The following AGAP1 variants were observed in gnomAD, a reference collection of about 807,000 sequenced individuals.
AGAP1 encodes arf-GAP with GTPase, ANK repeat and PH domain-containing protein 1.
Under a neutral mutation model 105.3 loss-of-function variants are expected in AGAP1, and 29 were observed. The ratio of observed to expected loss-of-function variants is 0.28; its 90% CI spans 0.21 to 0.38. AGAP1 has a LOEUF of 0.38. AGAP1 is among the 10% of genes least tolerant of loss of function. The pLI is 1.00. For missense variants in AGAP1, 998 were observed against 1,165.1 expected, an observed-to-expected ratio of 0.86 and a Z score of 2.09; for synonymous variants, 509 against 485.9, an observed-to-expected ratio of 1.05 and a Z score of -0.63.
At position 235,700,521 on chromosome 2, in the gene AGAP1, C is replaced by T. The variant is rs552073492; in HGVS notation, c.164-8658C>T. On this transcript the variant is annotated intron_variant, in intron 1 of 17. Transcript: ENST00000304032. The surrounding 1 kb of genome is among the most constrained non-coding windows in gnomAD (Gnocchi z 6.1). ...AAGAAACTGTAATGAAAATGAGGGC[C>T]GGGTGTGTTGGCTCACACTTGTAAT... is the stretch of plus-strand genomic sequence containing the variant. 2.8e-4 allele frequency among the ~76,000 whole-genome samples: 42 copies of T among 152,188 alleles called. No homozygotes were observed. Among genetic ancestry groups the T allele is most frequent in the Admixed American group, 8.5e-4 (13 of 15,272 alleles).
intron 10 of AGAP1, among the ~76,000 whole-genome samples, chr2:235,895,284 G>A (rs115759953): frequency 0.011 from 1,601 of 152,218 alleles, 32 homozygotes; most frequent in African/African-American, 0.034. Flanking sequence ...CCATGATGGA[G>A]AAGATCCCCT....
chr2:235,935,989 C>A lies in AGAP1; in HGVS notation c.1483+5066C>A, dbSNP rs571493550. 1.2e-3 allele frequency among the ~76,000 whole-genome samples: 182 copies of A among 152,344 alleles called. 2 individuals are homozygous for A. The highest frequency in any genetic ancestry group is 4.3e-3 in the African/African-American group (177 of 41,594). On this transcript the variant is annotated intron_variant, in intron 12 of 17. Coordinates refer to ENST00000304032, the MANE Select transcript of AGAP1 (RefSeq NM_001037131.3). The stretch of plus-strand genomic sequence containing the variant: ...GGTGAGCCTGGCCCGGCCCTCCCCG[C>A]TGGCTCCTGCCTGGGCCAGCCTCGT...
At chr2:235,676,935 A>G (rs1303828848) in intron 1 of AGAP1, among the ~76,000 whole-genome samples, 1 of 152,228 alleles carries the variant, frequency 6.6e-6, no homozygotes, top group East Asian at 1.9e-4. Context: ...ATTAGCAAAA[A>G]GGGAGGAGAT....
chr2:235,643,918 G>C (rs1947286169), intron 1 of AGAP1, among the ~76,000 whole-genome samples: 1 of 152,128 alleles, frequency 6.6e-6, no homozygotes, highest in Non-Finnish European at 1.5e-5. Context: ...ATCTTCCTCT[G>C]AGTGAAAACT....
Position 235,700,428 on chromosome 2 carries a change from G to A in AGAP1, c.164-8751G>A, listed in dbSNP as rs935623862. Among the ~76,000 whole-genome samples the A allele has an allele frequency of 1.3e-5, 2 of 152,200 alleles. No individual in the cohort carries two copies. The highest frequency in any genetic ancestry group is 1.9e-4 in the East Asian group (1 of 5,182). On this transcript the variant is annotated intron_variant, in intron 1 of 17. Coordinates refer to ENST00000304032, the MANE Select transcript of AGAP1 (RefSeq NM_001037131.3). This position sits in a 1 kb window ranked among gnomAD's most constrained non-coding sequence, Gnocchi z 6.1. ...TTTAAGCAGTGCTTTACACACCCAC[G>A]ACAAGGGCGTTCTTGGGGAACACCG...
At chr2:235,645,293 T>C (rs1488470178) in intron 1 of AGAP1, among the ~76,000 whole-genome samples, 1 of 152,066 alleles carries the variant, frequency 6.6e-6, no homozygotes, top group Non-Finnish European at 1.5e-5. Flanking sequence ...AAAACAAAAA[T>C]GAAGAGGTGG....
chr2:235,710,544 A>G (rs983111196), intron 2 of AGAP1, among the ~76,000 whole-genome samples: 9 of 152,106 alleles, frequency 5.9e-5, no homozygotes, highest in Admixed American at 5.2e-4. Context: ...TCTCTGCAGC[A>G]CTTGCCCGTG....
At chr2:235,858,521 G>A (rs2106492316) in intron 9 of AGAP1, among the ~76,000 whole-genome samples, 1 of 152,194 alleles carries the variant, frequency 6.6e-6, no homozygotes, top group South Asian at 2.1e-4. Flanking sequence ...AGGTTAGGGG[G>A]AAAATGTTTT....
intron 13 of AGAP1, among the ~76,000 whole-genome samples, chr2:235,969,913 G>A (rs1292720133): frequency 6.6e-6 from 1 of 152,102 alleles, no homozygotes; most frequent in Non-Finnish European, 1.5e-5. Flanking sequence ...AATAAAAACT[G>A]ATTTTTCGTC....
chr2:235,906,209 G>T lies in AGAP1; in HGVS notation c.1156-2529G>T, dbSNP rs1400104735. On this transcript the variant is annotated intron_variant, in intron 10 of 17. Coordinates refer to ENST00000304032, the MANE Select transcript of AGAP1 (RefSeq NM_001037131.3). The surrounding 1 kb of genome is among the most constrained non-coding windows in gnomAD (Gnocchi z 5.3). Reference sequence around the variant, plus strand: ...CGGGCACCTCTGCTCCCGGCCTCTGGGCTGATGTGAGATGCACGCGTGCCA... The same window carrying T: ...CGGGCACCTCTGCTCCCGGCCTCTGTGCTGATGTGAGATGCACGCGTGCCA... 6.6e-6 allele frequency among the ~76,000 whole-genome samples: 1 copy of T among 152,210 alleles called. No individual in the cohort carries two copies. The highest frequency in any genetic ancestry group is 2.4e-5 in the African/African-American group (1 of 41,466).
At chr2:235,548,912 C>T (rs1023498603) in intron 1 of AGAP1, among the ~76,000 whole-genome samples, 3 of 152,174 alleles carry the variant, frequency 2.0e-5, no homozygotes, top group Non-Finnish European at 2.9e-5. Flanking sequence ...CATAGCCTTT[C>T]GCTTATATTG....
rs570177557 is a variant in AGAP1, at chr2:235,804,767, G to A, written c.958-2472G>A. Among the ~76,000 whole-genome samples, 8 of 152,330 alleles carry A rather than the reference G, an allele frequency of 5.3e-5. No individual in the cohort carries two copies. The East Asian group carries it at 5.8e-4, about 11-fold the overall frequency. The stretch of plus-strand genomic sequence containing the variant: ...CAGTTACTATGGTGGCTTGCTGTGC[G>A]TTGACTTAAAATCTGCAGCCCTTCT... On this transcript the variant is annotated intron_variant, in intron 8 of 17. Transcript: ENST00000304032.
chr2:235,786,246 G>T (rs372324217), intron 6 of AGAP1, among the ~76,000 whole-genome samples: 1 of 152,202 alleles, frequency 6.6e-6, no homozygotes, highest in Non-Finnish European at 1.5e-5. Context: ...GAGAGAGAAA[G>T]TTAATCATCT....
chr2:235,860,088 T>C (rs79448828), intron 9 of AGAP1, among the ~76,000 whole-genome samples: 4,449 of 152,156 alleles, frequency 0.029, 211 homozygotes, highest in African/African-American at 0.1. Flanking sequence ...GTTTTCTTCT[T>C]CTCCTCCTCC....
chr2:235,578,237 G>A lies in AGAP1; in HGVS notation c.163+83388G>A, dbSNP rs978226222. ...CTGTCAGAGCCAGCCTGAGCTCCAC[G>A]GTGCCCGTCTCCTACCTGCACTGTG... On this transcript the variant is annotated intron_variant, in intron 1 of 17. Transcript: ENST00000304032. This position sits in a 1 kb window ranked among gnomAD's most constrained non-coding sequence, Gnocchi z 4.9. Among the ~76,000 whole-genome samples the A allele has an allele frequency of 6.6e-5, 10 of 152,072 alleles. No homozygotes were observed. Among genetic ancestry groups the A allele is most frequent in the Non-Finnish European group, 4.4e-5 (3 of 67,996 alleles).
At chr2:235,677,339 C>T (rs1026006641) in intron 1 of AGAP1, among the ~76,000 whole-genome samples, 2 of 152,156 alleles carry the variant, frequency 1.3e-5, no homozygotes, top group African/African-American at 4.8e-5. Flanking sequence ...CTCTCTCATT[C>T]AGTACCAGGG....
At chr2:236,069,748 G>A (rs775422226) in intron 16 of AGAP1, among the ~76,000 whole-genome samples, 6 of 152,216 alleles carry the variant, frequency 3.9e-5, no homozygotes, top group Non-Finnish European at 5.9e-5. Flanking sequence ...GTGAAAATGT[G>A]ATTACATGGG....
At position 236,101,738 on chromosome 2, in the gene AGAP1, C is replaced by T. The variant is rs1296981922; in HGVS notation, c.2115-18454C>T. On this transcript the variant is annotated intron_variant, in intron 16 of 17. Coordinates refer to ENST00000304032, the MANE Select transcript of AGAP1 (RefSeq NM_001037131.3). This position sits in a 1 kb window ranked among gnomAD's most constrained non-coding sequence, Gnocchi z 4.9. Reference sequence around the variant, plus strand: ...GGAATTCACTGTGATGGCGGCTGCACCAGCAGAGCCGCCGTGGGCTTCATG... The same window carrying T: ...GGAATTCACTGTGATGGCGGCTGCATCAGCAGAGCCGCCGTGGGCTTCATG... Among the ~76,000 whole-genome samples the T allele has an allele frequency of 6.6e-6, 1 of 152,250 alleles. No homozygotes were observed. The highest frequency in any genetic ancestry group is 1.5e-5 in the Non-Finnish European group (1 of 68,046).
chr2:235,873,239 T>C (rs2106570309), intron 9 of AGAP1, among the ~76,000 whole-genome samples: 1 of 152,310 alleles, frequency 6.6e-6, no homozygotes, highest in Non-Finnish European at 1.5e-5. Context: ...CAAAAATCAG[T>C]GTTCAGAATT....
Sources: gnomAD v4.1 joint callset for allele counts (sites outside exome capture counted in the v4.1 genomes callset) on GRCh38, gnomAD v4.1.1 for gene constraint, Gnocchi (gnomAD v3.1) non-coding constraint, MANE v1.5 for transcripts, NCBI Gene and HGNC (gene_info 2026-07-23, HGNC 2026-07-21) for gene names.